Variants in THRB observed in about 807,000 individuals in gnomAD.
The protein encoded by THRB is nuclear receptor subfamily 1 group A member 2.
Under a neutral mutation model 47.8 loss-of-function variants are expected in THRB, and 12 were observed. The ratio of observed to expected loss-of-function variants is 0.25; its 90% CI spans 0.16 to 0.41. The LOEUF (loss-of-function observed/expected upper bound fraction) is 0.41, where lower values mean the gene tolerates loss of function less well. THRB is among the 10% of genes least tolerant of loss of function. The probability of loss-of-function intolerance (pLI) is 1.00; values close to 1 mark genes in which losing one functional copy is unlikely to be tolerated. For missense variants in THRB, 348 were observed against 589.2 expected (o/e 0.59, Z 4.24); for synonymous variants, 218 against 212.2 (o/e 1.03, Z -0.24).
At chr3:24,215,735 T>A (rs573676134) in intron 4 of THRB, among the ~76,000 whole-genome samples, 3 of 152,370 alleles carry the variant, frequency 2.0e-5, no homozygotes, top group African/African-American at 7.2e-5. Flanking sequence ...CACGGCCATG[T>A]GACTGAGGTC....
At position 24,480,629 on chromosome 3, in the gene THRB, G is replaced by A. The variant is rs112753013; in HGVS notation, c.-261+14023C>T. On this transcript the variant is annotated intron_variant, in intron 1 of 10. Transcript: ENST00000646209. The stretch of plus-strand genomic sequence containing the variant: ...TAATTCTAAGAGGCAAAGAGGAAGA[G>A]TGACAACTGCCATGGTTCAAATGAA... 4.1e-3 allele frequency among the ~76,000 whole-genome samples: 628 copies of A among 152,306 alleles called. 5 individuals are homozygous for A. Among genetic ancestry groups the A allele is most frequent in the African/African-American group, 0.015 (608 of 41,568 alleles).
At chr3:24,364,318 A>C (rs2064295487) in intron 1 of THRB, among the ~76,000 whole-genome samples, 1 of 152,204 alleles carries the variant, frequency 6.6e-6, no homozygotes, top group African/African-American at 2.4e-5. Flanking sequence ...TGATAACTTG[A>C]TTATGCCAAC....
chr3:24,481,368 G>A (rs1167526173), intron 1 of THRB, among the ~76,000 whole-genome samples: 4 of 151,136 alleles, frequency 2.6e-5, no homozygotes, highest in African/African-American at 9.7e-5. Context: ...GAGGACACGC[G>A]GTTGCTCATT....
chr3:24,234,175 G>T (rs538214572), intron 3 of THRB, among the ~76,000 whole-genome samples: 32 of 152,246 alleles, frequency 2.1e-4, no homozygotes, highest in Non-Finnish European at 1.3e-4. Context: ...GAAATGTAAT[G>T]AAAAATTACA....
chr3:24,143,603 T>C lies in THRB; in HGVS notation c.636A>G (p.Pro212=). ...EELQKSIGHK[P]EPTDEEWELI... is the part of the protein sequence containing the mutation. ...GCTCCCATTCCTCGTCTGTGGGCTC[T>C]GGCTTGTGCCCGATGGACTTCTGCA... The change falls in exon 8 of 11, where the codon CCA becomes CCG. Residue 212 remains proline, a synonymous_variant. Coordinates refer to ENST00000646209, the MANE Select transcript of THRB (RefSeq NM_001354712.2). 1 of 1,614,232 alleles carries C rather than the reference T, an allele frequency of 6.2e-7. No individual in the cohort carries two copies. The highest frequency in any genetic ancestry group is 8.5e-7 in the Non-Finnish European group (1 of 1,180,034).
At chr3:24,437,085 T>C (rs2125350553) in intron 1 of THRB, among the ~76,000 whole-genome samples, 1 of 149,366 alleles carries the variant, frequency 6.7e-6, no homozygotes, top group East Asian at 1.9e-4. Flanking sequence ...ATATATATCA[T>C]AAAAATGTGT....
intron 1 of THRB, among the ~76,000 whole-genome samples, chr3:24,365,225 T>A (rs965912366): frequency 1.3e-5 from 2 of 151,954 alleles, no homozygotes; most frequent in African/African-American, 4.8e-5. Flanking sequence ...CAGCAAAGAG[T>A]CACTGCATCA....
chr3:24,156,349 G>T (rs1460345874), intron 5 of THRB, among the ~76,000 whole-genome samples: 3 of 152,218 alleles, frequency 2.0e-5, no homozygotes, highest in Non-Finnish European at 4.4e-5. Flanking sequence ...CCTAGGAGGA[G>T]AAACACTGGT....
chr3:24,266,256 C>A (rs765107800), intron 3 of THRB, among the ~76,000 whole-genome samples: 4 of 152,060 alleles, frequency 2.6e-5, no homozygotes, highest in Non-Finnish European at 4.4e-5. Flanking sequence ...TTGCCAGGAG[C>A]CACAAAACCA....
At chr3:24,492,811 T>A (rs1300882849) in intron 1 of THRB, among the ~76,000 whole-genome samples, 1 of 152,210 alleles carries the variant, frequency 6.6e-6, no homozygotes, top group Non-Finnish European at 1.5e-5. Context: ...GTAACAATAT[T>A]CCAATGTCAA....
At chr3:24,354,739 T>C (rs1577060752) in intron 1 of THRB, among the ~76,000 whole-genome samples, 1 of 152,144 alleles carries the variant, frequency 6.6e-6, no homozygotes, top group East Asian at 1.9e-4. Context: ...ACTTCTAAGT[T>C]AATTAAAAGA....
intron 3 of THRB, among the ~76,000 whole-genome samples, chr3:24,287,717 AT>A (rs2055467877): frequency 6.6e-6 from 1 of 152,168 alleles, no homozygotes. Context: ...TTTTGGGATG[AT>A]GTGGGGAGCA....
chr3:24,413,135 C>T (rs2068448259), intron 1 of THRB, among the ~76,000 whole-genome samples: 1 of 151,754 alleles, frequency 6.6e-6, no homozygotes, highest in African/African-American at 2.4e-5. Context: ...GCTTTATACA[C>T]AAAAATGTTT....
intron 1 of THRB, among the ~76,000 whole-genome samples, chr3:24,456,333 TAA>T (rs760844296): frequency 1.2e-4 from 16 of 130,482 alleles, no homozygotes; most frequent in Non-Finnish European, 1.2e-4. Flanking sequence ...AGACCCTGTC[TAA>T]AAAAAAAAAA....
chr3:24,393,700 T>C (rs1363851343), intron 1 of THRB, among the ~76,000 whole-genome samples: 3 of 152,124 alleles, frequency 2.0e-5, no homozygotes, highest in African/African-American at 7.2e-5. Context: ...AGCAAAGTCA[T>C]GGACAGTAGC....
intron 4 of THRB, among the ~76,000 whole-genome samples, chr3:24,200,774 A>G (rs1250897875): frequency 2.0e-5 from 3 of 152,210 alleles, no homozygotes; most frequent in Admixed American, 6.5e-5. Flanking sequence ...TCAGGAATAG[A>G]AGCACTGCCA....
chr3:24,339,637 G>A (rs2062497764), intron 1 of THRB, among the ~76,000 whole-genome samples: 2 of 151,922 alleles, frequency 1.3e-5, no homozygotes, highest in South Asian at 2.1e-4. Flanking sequence ...GCCTCCAACC[G>A]AGAACAAACC....
intron 3 of THRB, among the ~76,000 whole-genome samples, chr3:24,232,597 G>A (rs1559680074): frequency 6.6e-6 from 1 of 152,148 alleles, no homozygotes; most frequent in Non-Finnish European, 1.5e-5. Flanking sequence ...CAAGGAATGA[G>A]CTTCATACAG....
At chr3:24,261,503 A>T (rs1413415395) in intron 3 of THRB, among the ~76,000 whole-genome samples, 1 of 149,316 alleles carries the variant, frequency 6.7e-6, no homozygotes, top group African/African-American at 2.5e-5. Flanking sequence ...GTCTCAAAAA[A>T]AAAAAAAAAA....
Sources: allele counts gnomAD v4.1 joint callset (sites outside exome capture counted in the v4.1 genomes callset), GRCh38; gene constraint gnomAD v4.1.1; transcripts MANE v1.5; gene names NCBI Gene and HGNC (gene_info 2026-07-23, HGNC 2026-07-21).